Variants in SUGCT observed in about 807,000 individuals in gnomAD.
SUGCT encodes the protein succinyl-CoA:glutarate-CoA transferase.
A neutral mutation model predicts 55.0 loss-of-function variants in SUGCT; 41 were observed. That is an observed-to-expected ratio of 0.74 (90% CI 0.58 to 0.97). SUGCT has a LOEUF of 0.97. SUGCT is among the 50% of genes least tolerant of loss of function. SUGCT has a pLI of 0.00. For missense variants in SUGCT, 568 were observed against 547.8 expected (o/e 1.04, Z -0.37); for synonymous variants, 187 against 200.4 (o/e 0.93, Z 0.56).
chr7:40,500,351 G>T (rs982399908), intron 12 of SUGCT, among the ~76,000 whole-genome samples: 6 of 152,056 alleles, frequency 3.9e-5, no homozygotes, highest in African/African-American at 1.4e-4. Flanking sequence ...GAGATCTATT[G>T]GGAGGAAAAT....
intron 13 of SUGCT, among the ~76,000 whole-genome samples, chr7:40,786,189 G>A (rs948391166): frequency 2.0e-5 from 3 of 152,098 alleles, no homozygotes; most frequent in African/African-American, 7.2e-5. Context: ...TATTGATGAA[G>A]GCTTGTGAAA....
chr7:40,730,897 A>G (rs1233838122), intron 12 of SUGCT, among the ~76,000 whole-genome samples: 1 of 152,238 alleles, frequency 6.6e-6, no homozygotes, highest in Non-Finnish European at 1.5e-5. Context: ...ATAGTATTCA[A>G]TTGTATACAC....
the SUGCT span, among the ~76,000 whole-genome samples, chr7:40,924,069 C>G: frequency 0.078 from 11,839 of 152,116 alleles, 525 homozygotes; most frequent in African/African-American, 0.11. Context: ...ACATAGAAAG[C>G]AGTATCTATA....
intron 12 of SUGCT, among the ~76,000 whole-genome samples, chr7:40,688,096 C>A (rs1784542281): frequency 6.6e-6 from 1 of 152,160 alleles, no homozygotes; most frequent in East Asian, 1.9e-4. Context: ...AATCTATAAT[C>A]TCAATAGTAT....
chr7:40,793,219 A>G (rs1563007873), intron 13 of SUGCT: 1 of 152,146 alleles, frequency 6.6e-6, no homozygotes. Context: ...AGGGGTGGCA[A>G]CAAAAATTGG....
At chr7:40,414,298 C>G (rs1435352614) in intron 9 of SUGCT, among the ~76,000 whole-genome samples, 1 of 152,166 alleles carries the variant, frequency 6.6e-6, no homozygotes, top group Non-Finnish European at 1.5e-5. Context: ...GTGATACTCT[C>G]CTTTTTCCCA....
chr7:41,032,008 TGAATGAATG>T, the SUGCT span, among the ~76,000 whole-genome samples: 2 of 151,924 alleles, frequency 1.3e-5, no homozygotes, highest in African/African-American at 2.4e-5. Flanking sequence ...AATGAATGAA[TGAATGAATG>T]AATGAACCTA....
intron 12 of SUGCT, among the ~76,000 whole-genome samples, chr7:40,528,641 T>A (rs543245173): frequency 6.6e-6 from 1 of 152,330 alleles, no homozygotes; most frequent in African/African-American, 2.4e-5. Context: ...AAGTAAAATA[T>A]AATTTTATGA....
intron 12 of SUGCT, among the ~76,000 whole-genome samples, chr7:40,677,573 C>T (rs1280296566): frequency 6.6e-6 from 1 of 152,190 alleles, no homozygotes; most frequent in Non-Finnish European, 1.5e-5. Context: ...AACTCTCTTT[C>T]TACCTGCTCC....
At chr7:40,969,358 A>G in the SUGCT span, among the ~76,000 whole-genome samples, 1 of 152,054 alleles carries the variant, frequency 6.6e-6, no homozygotes, top group Non-Finnish European at 1.5e-5. Context: ...CATTTTATGT[A>G]TTTATGTATT....
intron 9 of SUGCT, among the ~76,000 whole-genome samples, chr7:40,431,903 G>A (rs1406936811): frequency 2.6e-5 from 4 of 152,110 alleles, no homozygotes; most frequent in African/African-American, 7.2e-5. Context: ...TGTATTAATT[G>A]TAATAGTTTC....
chr7:40,720,538 T>C (rs1327211299), intron 12 of SUGCT, among the ~76,000 whole-genome samples: 1 of 152,174 alleles, frequency 6.6e-6, no homozygotes, highest in Non-Finnish European at 1.5e-5. Context: ...CACTCCTCTC[T>C]ACTATTTGGG....
At chr7:40,842,877 T>G (rs1049760858) in intron 13 of SUGCT, among the ~76,000 whole-genome samples, 5 of 152,212 alleles carry the variant, frequency 3.3e-5, no homozygotes, top group African/African-American at 7.2e-5. Context: ...ATTTAACATT[T>G]TCTTGTCTAC....
chr7:40,703,210 G>A (rs534922147), intron 12 of SUGCT, among the ~76,000 whole-genome samples: 43 of 152,178 alleles, frequency 2.8e-4, no homozygotes, highest in South Asian at 2.1e-3. Flanking sequence ...GATCACAGGC[G>A]TGTGCCACCA....
chr7:40,375,925 A>G (rs1330290871), intron 9 of SUGCT, among the ~76,000 whole-genome samples: 1 of 152,182 alleles, frequency 6.6e-6, no homozygotes, highest in Non-Finnish European at 1.5e-5. Flanking sequence ...AGCTGAGAAG[A>G]AAAATACCAT....
intron 6 of SUGCT, among the ~76,000 whole-genome samples, chr7:40,230,074 AT>A (rs1355240949): frequency 4.6e-5 from 7 of 152,196 alleles, no homozygotes; most frequent in Non-Finnish European, 8.8e-5. Flanking sequence ...ACTTTTAAAT[AT>A]ACACTGTTTT....
At chr7:40,872,268 C>T in the SUGCT span, among the ~76,000 whole-genome samples, 2 of 152,246 alleles carry the variant, frequency 1.3e-5, no homozygotes, top group East Asian at 1.9e-4. Context: ...AGGCAGGATA[C>T]AGGTGGGCTC....
chr7:40,249,570 T>C (rs1305332280), intron 7 of SUGCT, among the ~76,000 whole-genome samples: 1 of 151,550 alleles, frequency 6.6e-6, no homozygotes, highest in Non-Finnish European at 1.5e-5. Context: ...TAGAATAACA[T>C]ATTTCCTTGA....
chr7:40,223,047 A>G (rs1788129038), intron 6 of SUGCT, among the ~76,000 whole-genome samples: 2 of 141,464 alleles, frequency 1.4e-5, no homozygotes, highest in African/African-American at 2.6e-5. Flanking sequence ...CCTTCCATCC[A>G]TCCACCCATC....
Sources: gnomAD v4.1 joint callset for allele counts (sites outside exome capture counted in the v4.1 genomes callset) on GRCh38, gnomAD v4.1.1 for gene constraint, MANE v1.5 for transcripts, NCBI Gene and HGNC (gene_info 2026-07-23, HGNC 2026-07-21) for gene names.